The following TTN variants were observed in gnomAD, a reference collection of about 807,000 sequenced individuals.
TTN encodes the protein connectin.
A neutral mutation model predicts 3,223.0 loss-of-function variants in TTN; 1,525 were observed. That is an observed-to-expected ratio of 0.47 (90% CI 0.45 to 0.49). The LOEUF is 0.49. Among genes scored for constraint, TTN ranks in the 20% least tolerant of loss-of-function variants. The pLI, the probability that TTN is intolerant of heterozygous loss-of-function variation, is 0.00. For missense variants in TTN, 40,786 were observed against 43,424.0 expected (o/e 0.94, Z 5.40); for synonymous variants, 14,094 against 15,161.0 (o/e 0.93, Z 5.17).
chr2:178,692,452 C>G, intron 120 of TTN, 45 bp downstream of exon 120: 1 of 1,491,722 alleles, frequency 6.7e-7, no homozygotes, highest in South Asian at 1.2e-5. Context: ...GAAAAAGATA[C>G]AAGATGGATG....
chr2:178,782,986 C>G lies in TTN; in HGVS notation c.2920G>C (p.Val974Leu), dbSNP rs749511236. 1.2e-6 allele frequency: 2 copies of G among 1,614,162 alleles called. No individual in the cohort carries two copies. The highest frequency in any genetic ancestry group is 4.5e-5 in the East Asian group (2 of 44,876). The change falls in exon 18 of 363, where the codon GTG becomes CTG. Residue 974 changes from valine to leucine, a missense_variant. By Grantham distance (32) the Val-to-Leu change is conservative. Coordinates refer to ENST00000589042, the MANE Select transcript of TTN (RefSeq NM_001267550.2). ...TGGTAGTCTTCCCTGTACCATGTCA[C>G]TGTCGGGGATGGGTATCCAGAGATG... ...CHISGYPSPT[V>L]TWYREDYQIE... is the part of the protein sequence containing the mutation.
Position 178,560,311 on chromosome 2 carries a change from A to C in TTN, c.85821T>G (p.Asp28607Glu). 1 of 1,613,744 alleles carries C rather than the reference A, an allele frequency of 6.2e-7. No individual in the cohort carries two copies. Among genetic ancestry groups the C allele is most frequent in the Non-Finnish European group, 8.5e-7 (1 of 1,179,766 alleles). ...GAAGTCCTGTTGATTTCACTCTTAG[A>C]TCATAAACTGGTTTTTTGTTTACAC... is the stretch of plus-strand genomic sequence containing the variant. ...WVRVNKKPVY[D>E]LRVKSTGLRE... Residue 28607 changes from aspartate to glutamate, a missense_variant, in exon 326 of 363, where the codon GAT (aspartate) becomes GAG (glutamate). Asp to Glu is a conservative substitution (Grantham distance 45, BLOSUM62 2). Transcript: ENST00000589042.
chr2:178,768,697 A>T lies in TTN; in HGVS notation c.9139T>A (p.Ser3047Thr), dbSNP rs946142615. ...CCTTCCACATAAAGTGTGGCTGTTG[A>T]TGTTGCTTTTCCAGCCACAAAGGTG... ...DYTFVAGKATSTATLYVEARH... is the reference protein window; with the variant it reads ...DYTFVAGKATTTATLYVEARH... The change falls in exon 38 of 363, where the codon TCA becomes ACA. Residue 3047 changes from serine (S) to threonine (T), a missense_variant. Coordinates refer to ENST00000589042, the MANE Select transcript of TTN (RefSeq NM_001267550.2). The T allele has an allele frequency of 7.4e-6, 12 of 1,613,964 alleles. No homozygotes were observed. Among genetic ancestry groups the T allele is most frequent in the Non-Finnish European group, 1.0e-5 (12 of 1,179,980 alleles).
At chr2:178,595,875 T>A in intron 294 of TTN, 66 bp from the exon 295 acceptor site, 2 of 1,464,444 alleles carry the variant, frequency 1.4e-6, no homozygotes, top group Non-Finnish European at 9.2e-7. Context: ...CAACACTTGT[T>A]TTTTTAAAAG....
chr2:178,747,352 G>T (rs1390492863), intron 47 of TTN: 1 of 1,613,152 alleles, frequency 6.2e-7, no homozygotes, highest in Admixed American at 1.7e-5. Context: ...AATGTATTGA[G>T]GATTGTTTAG....
chr2:178,774,462 C>G lies in TTN; in HGVS notation c.6802G>C (p.Glu2268Gln). 1 of 1,612,604 alleles carries G rather than the reference C, an allele frequency of 6.2e-7. No individual in the cohort carries two copies. Among genetic ancestry groups the G allele is most frequent in the Middle Eastern group, 1.7e-4 (1 of 6,058 alleles). The change falls in exon 30 of 363, where the codon GAG becomes CAG. Residue 2268 changes from glutamate to glutamine, a missense_variant. Glu to Gln is a conservative substitution (Grantham distance 29, BLOSUM62 2). Coordinates refer to ENST00000589042, the MANE Select transcript of TTN (RefSeq NM_001267550.2). Reference sequence around the variant, plus strand: ...ATGTCCTGAAGTTCTTTCACAAACTCAACAACTGCACCTGAAGTGTATAAC... The same window carrying G: ...ATGTCCTGAAGTTCTTTCACAAACTGAACAACTGCACCTGAAGTGTATAAC... ...AKLIVEGAVVEFVKELQDIEV... is the reference protein window; with the variant it reads ...AKLIVEGAVVQFVKELQDIEV...
At chr2:178,750,987 C>T (rs1162467586) in intron 47 of TTN, 22 of 1,612,524 alleles carry the variant, frequency 1.4e-5, no homozygotes, top group Non-Finnish European at 1.8e-5. Context: ...ATTCTTATTT[C>T]AGTCTGGAAA....
At chr2:178,771,776 T>A (rs922026952) in intron 33 of TTN, among the ~76,000 whole-genome samples, 3 of 152,206 alleles carry the variant, frequency 2.0e-5, no homozygotes, top group African/African-American at 4.8e-5. Context: ...AATTCCTTCT[T>A]CTTCAAAAGC....
chr2:178,564,951 A>G lies in TTN; in HGVS notation c.81181T>C (p.Ser27061Pro), dbSNP rs773739899. The change falls in exon 326 of 363, where the codon TCT (serine) becomes CCT (proline). Residue 27061 changes from serine (S) to proline (P), a missense_variant. Physicochemically the swap from Ser to Pro is moderately conservative, Grantham distance 74. Transcript: ENST00000589042. ...NRYGKSAPLDSKAVIVQYPFK... is the reference protein window; with the variant it reads ...NRYGKSAPLDPKAVIVQYPFK... ...GGATATTGTACAATAACTGCCTTAG[A>G]ATCCAGTGGGGCACTTTTTCCATAC... 1.2e-6 allele frequency: 2 copies of G among 1,612,202 alleles called. No individual in the cohort carries two copies. Among genetic ancestry groups the G allele is most frequent in the East Asian group, 4.5e-5 (2 of 44,828 alleles).
At chr2:178,778,769 C>G in intron 24 of TTN, 105 bp downstream of exon 24, 1 of 1,511,216 alleles carries the variant, frequency 6.6e-7, no homozygotes, top group Non-Finnish European at 9.0e-7. Context: ...AGTTTCTGTG[C>G]CATTTTAGCC....
In TTN at chr2:178,613,054, C is replaced by T. The variant is rs866384387; in HGVS notation, c.49667G>A (p.Gly16556Glu). 3.7e-6 allele frequency: 6 copies of T among 1,612,564 alleles called. No homozygotes were observed. The South Asian group carries it at 5.5e-5, about 15-fold the overall frequency. ...GCCTACATCTTTTACAGTTGGTTTT[C>T]CAGGGGGCCATGGAGGATCTGCAAG... ...KDPIDPPWPP[G>E]KPTVKDVGKT... Residue 16556 changes from glycine to glutamate, a missense_variant, in exon 265 of 363, where the codon GGA (glycine) becomes GAA (glutamate). By Grantham distance (98) the Gly-to-Glu change is moderately conservative. Transcript: ENST00000589042.
In TTN at chr2:178,534,925, C is replaced by A; in HGVS notation, c.101690G>T (p.Gly33897Val). ...GTTAATGCGCTCAAATATGTCAAGT[C>A]CTGATATAAACTCAAAGATCATAAC... ...ELVMIFEFISGLDIFERINTS... is the reference protein window; with the variant it reads ...ELVMIFEFISVLDIFERINTS... The change falls in exon 358 of 363, where the codon GGA (glycine) becomes GTA (valine). Residue 33897 changes from glycine to valine, a missense_variant. Transcript: ENST00000589042. 6.2e-7 allele frequency: 1 copy of A among 1,611,302 alleles called. No individual in the cohort carries two copies. The highest frequency in any genetic ancestry group is 2.2e-5 in the East Asian group (1 of 44,870).
chr2:178,556,732 A>C, intron 330 of TTN, 116 bp downstream of exon 330: 1 of 1,266,806 alleles, frequency 7.9e-7, no homozygotes, highest in Non-Finnish European at 1.1e-6. Flanking sequence ...AATTTCTTCC[A>C]AAAACCCCAT....
chr2:178,629,549 A>G (rs2059527550), intron 239 of TTN, 106 bp from the exon 240 acceptor site: 2 of 1,519,878 alleles, frequency 1.3e-6, no homozygotes, highest in Admixed American at 1.9e-5. Flanking sequence ...TCAAGAAGCC[A>G]CAGGACTGGC....
intron 157 of TTN, 48 bp downstream of exon 157, chr2:178,670,170 G>A (rs765252820): frequency 2.4e-6 from 3 of 1,263,432 alleles, no homozygotes; most frequent in Admixed American, 6.7e-5. Context: ...CATAGTAAGT[G>A]AATAAAAAAG....
intron 126 of TTN, 95 bp from the exon 127 acceptor site, chr2:178,688,319 T>C: frequency 8.8e-7 from 1 of 1,134,674 alleles, no homozygotes; most frequent in Non-Finnish European, 1.3e-6. Flanking sequence ...TGTTCTTCTA[T>C]CTGCTTAGGA....
chr2:178,729,593 C>G, intron 63 of TTN, 27 bp from the exon 64 acceptor site: 1 of 1,612,462 alleles, frequency 6.2e-7, no homozygotes, highest in Non-Finnish European at 8.5e-7. Context: ...AAGACAGTAG[C>G]TTACTCAAGG....
At position 178,542,919 on chromosome 2, in the gene TTN, G is replaced by A; in HGVS notation, c.96935C>T (p.Pro32312Leu). 6.2e-7 allele frequency: 1 copy of A among 1,611,078 alleles called. No homozygotes were observed. Among genetic ancestry groups the A allele is most frequent in the Admixed American group, 1.7e-5 (1 of 59,922 alleles). ...AGCTGGGACATGGATGGTCTTCTGAGGCATTGTAGAAAGATCGATTGTTGG... is the reference window on the plus strand; with the variant it reads ...AGCTGGGACATGGATGGTCTTCTGAAGCATTGTAGAAAGATCGATTGTTGG... ...VLPTIDLSTMPQKTIHVPAGR... is the reference protein window; with the variant it reads ...VLPTIDLSTMLQKTIHVPAGR... Residue 32312 changes from proline (P) to leucine (L), a missense_variant, in exon 348 of 363, where the codon CCT becomes CTT. By Grantham distance (98) the Pro-to-Leu change is moderately conservative (BLOSUM62 -3). Coordinates refer to ENST00000589042, the MANE Select transcript of TTN (RefSeq NM_001267550.2).
In TTN at chr2:178,603,977, A is replaced by G. The variant is rs201412693; in HGVS notation, c.54710T>C (p.Leu18237Pro). The G allele has an allele frequency of 9.1e-4, 1,471 of 1,612,792 alleles. No individual in the cohort carries two copies. The highest frequency in any genetic ancestry group is 1.2e-3 in the Non-Finnish European group (1,385 of 1,179,128). The stretch of plus-strand genomic sequence containing the variant: ...TCTGAACTGGTATTTAACGCCTTCA[A>G]GCAAACGAGGAACATTAAATTCCAC... ...KGVEFNVPRL[L>P]EGVKYQFRAM... Residue 18237 changes from leucine (L) to proline (P), a missense_variant, in exon 282 of 363, where the codon CTT becomes CCT. Coordinates refer to ENST00000589042, the MANE Select transcript of TTN (RefSeq NM_001267550.2).
Sources: gnomAD v4.1 joint callset for allele counts (sites outside exome capture counted in the v4.1 genomes callset) on GRCh38, gnomAD v4.1.1 for gene constraint, MANE v1.5 for transcripts, NCBI Gene and HGNC (gene_info 2026-07-23, HGNC 2026-07-21) for gene names.